Variants in TRERF1 observed in about 807,000 individuals in gnomAD.
TRERF1 encodes the protein transcriptional-regulating factor 1.
A neutral mutation model predicts 122.9 loss-of-function variants in TRERF1; 27 were observed. The ratio of observed to expected loss-of-function variants is 0.22; its 90% CI spans 0.16 to 0.30. The LOEUF (loss-of-function observed/expected upper bound fraction) is 0.30. Ranked by LOEUF, TRERF1 falls within the 10% of genes least tolerant of loss-of-function variation. TRERF1 has a pLI of 1.00. For missense variants in TRERF1, 1,248 were observed against 1,560.3 expected, an observed-to-expected ratio of 0.80 and a Z score of 3.37; for synonymous variants, 636 against 641.7, an observed-to-expected ratio of 0.99 and a Z score of 0.13.
At chr6:42,262,063 C>T (rs1777983418) in intron 8 of TRERF1, among the ~76,000 whole-genome samples, 1 of 151,990 alleles carries the variant, frequency 6.6e-6, no homozygotes, top group Non-Finnish European at 1.5e-5. Flanking sequence ...AACTATTTCC[C>T]CAAGGAAACA....
At chr6:42,403,638 C>A (rs746022090) in intron 2 of TRERF1, among the ~76,000 whole-genome samples, 1 of 152,186 alleles carries the variant, frequency 6.6e-6, no homozygotes, top group Non-Finnish European at 1.5e-5. Context: ...GTATGTAGTA[C>A]TTTGTTTCAG....
intron 2 of TRERF1, among the ~76,000 whole-genome samples, chr6:42,419,278 C>T (rs1200001923): frequency 1.7e-5 from 2 of 119,522 alleles, no homozygotes; most frequent in Non-Finnish European, 3.4e-5. Flanking sequence ...CCGGCTTCTG[C>T]TGAGTCCCCT....
chr6:42,407,896 T>C (rs1446847799), intron 2 of TRERF1, among the ~76,000 whole-genome samples: 1 of 151,654 alleles, frequency 6.6e-6, no homozygotes, highest in Non-Finnish European at 1.5e-5. Flanking sequence ...TTGTCGCACT[T>C]AACTTTGCTC....
chr6:42,244,426 C>T (rs746718717), intron 14 of TRERF1, among the ~76,000 whole-genome samples: 3 of 152,196 alleles, frequency 2.0e-5, no homozygotes, highest in African/African-American at 4.8e-5. Context: ...TCAGGTGATC[C>T]GCCTGCCTTG....
intron 2 of TRERF1, among the ~76,000 whole-genome samples, chr6:42,432,579 C>T (rs1446381509): frequency 1.3e-5 from 2 of 152,186 alleles, no homozygotes; most frequent in African/African-American, 4.8e-5. Flanking sequence ...CAGTGGCTCA[C>T]ACCTGTAATC....
chr6:42,311,765 CAA>C (rs10530333), intron 3 of TRERF1, among the ~76,000 whole-genome samples: 1,219 of 34,320 alleles, frequency 0.036, 2 homozygotes, highest in East Asian at 0.11. Flanking sequence ...GACTCCGTCT[CAA>C]AAAAAAAAAA....
intron 3 of TRERF1, among the ~76,000 whole-genome samples, chr6:42,325,326 C>A (rs1044172163): frequency 6.6e-5 from 10 of 152,112 alleles, no homozygotes; most frequent in African/African-American, 2.4e-4. Flanking sequence ...ATTAGTTCAG[C>A]CACCATGGAA....
intron 3 of TRERF1, among the ~76,000 whole-genome samples, chr6:42,361,427 T>G (rs1378572491): frequency 6.6e-6 from 1 of 152,090 alleles, no homozygotes; most frequent in East Asian, 1.9e-4. Context: ...GTTTTTTGGG[T>G]TTTTTTGTTT....
At chr6:42,365,195 G>A (rs752200647) in intron 2 of TRERF1, among the ~76,000 whole-genome samples, 2 of 152,116 alleles carry the variant, frequency 1.3e-5, no homozygotes, top group African/African-American at 2.4e-5. Context: ...ACCTCCTGAC[G>A]TTTCTGCCCT....
chr6:42,363,394 G>A (rs1248016805), intron 2 of TRERF1, among the ~76,000 whole-genome samples: 1 of 152,182 alleles, frequency 6.6e-6, no homozygotes, highest in Non-Finnish European at 1.5e-5. Context: ...TCAACGTAAA[G>A]TAATATCCAG....
intron 2 of TRERF1, among the ~76,000 whole-genome samples, chr6:42,397,402 T>C (rs1008108915): frequency 1.3e-5 from 2 of 152,222 alleles, no homozygotes; most frequent in Admixed American, 6.5e-5. Flanking sequence ...TATCACTGAT[T>C]AATATTGATT....
intron 4 of TRERF1, among the ~76,000 whole-genome samples, chr6:42,270,827 C>T (rs1296178767): frequency 7.0e-6 from 1 of 143,334 alleles, no homozygotes; most frequent in Non-Finnish European, 1.5e-5. Flanking sequence ...GGCTGGAGAG[C>T]AATGATGCGA....
intron 10 of TRERF1, 76 bp downstream of exon 10, chr6:42,258,059 C>G: frequency 7.7e-7 from 1 of 1,291,450 alleles, no homozygotes; most frequent in Non-Finnish European, 1.1e-6. Context: ...GTGTAATCCT[C>G]TGACTACAAA....
intron 3 of TRERF1, among the ~76,000 whole-genome samples, chr6:42,308,999 A>T (rs1197288417): frequency 3.3e-5 from 5 of 152,128 alleles, no homozygotes; most frequent in African/African-American, 4.8e-5. Context: ...ATGTTGGTGA[A>T]TTTTACCTAA....
At chr6:42,335,911 A>G (rs1562012520) in intron 3 of TRERF1, among the ~76,000 whole-genome samples, 1 of 152,196 alleles carries the variant, frequency 6.6e-6, no homozygotes, top group Admixed American at 6.5e-5. Flanking sequence ...CAAGACTCTA[A>G]GCCAGTGCTG....
In TRERF1 at chr6:42,307,696, A is replaced by G. The variant is rs868773862; in HGVS notation, c.-370-6947T>C. 7.2e-3 allele frequency among the ~76,000 whole-genome samples: 1,101 copies of G among 152,186 alleles called. 11 individuals carry two copies. Among genetic ancestry groups the G allele is most frequent in the African/African-American group, 0.025 (1,043 of 41,462 alleles). On this transcript the variant is annotated intron_variant, in intron 3 of 17. Transcript: ENST00000372922. Reference sequence around the variant, plus strand: ...GGGGAGAGGTAAATGTATGAAAAAAAAAAAAAAAAGATCCGATCGCTATTA... The same window carrying G: ...GGGGAGAGGTAAATGTATGAAAAAAGAAAAAAAAAGATCCGATCGCTATTA...
rs777710911 is a variant in TRERF1, at chr6:42,263,449, G to A, written c.1755C>T (p.Pro585=). Residue 585 remains proline (P), a synonymous_variant, in exon 8 of 18, where the codon CCC becomes CCT. Coordinates refer to ENST00000372922, the Ensembl canonical transcript of TRERF1. The surrounding 1 kb of genome is among the most constrained non-coding windows in gnomAD (Gnocchi z 5.6). ...GGAGAAGCTTGACAGGGACAGACAC[G>A]GGCATGACCATAGGCGTGAGGCTTT... The A allele has an allele frequency of 5.6e-6, 9 of 1,608,584 alleles. No individual in the cohort carries two copies. The highest frequency in any genetic ancestry group is 1.7e-4 in the Middle Eastern group (1 of 6,052).
At chr6:42,328,004 C>CTTTTTTTTTTTTT (rs36069546) in intron 3 of TRERF1, among the ~76,000 whole-genome samples, 3 of 108,002 alleles carry the variant, frequency 2.8e-5, no homozygotes, top group Non-Finnish European at 5.8e-5. Flanking sequence ...TTCTTTCTTT[C>CTTTTTTTTTTTTT]TTTTTTTTTT....
chr6:42,262,407 C>T (rs1410029198), intron 8 of TRERF1, among the ~76,000 whole-genome samples: 2 of 137,050 alleles, frequency 1.5e-5, no homozygotes, highest in African/African-American at 5.4e-5. Context: ...ATATTGCCAA[C>T]CACACAGGTC....
Sources: allele counts gnomAD v4.1 joint callset (sites outside exome capture counted in the v4.1 genomes callset), GRCh38; gene constraint gnomAD v4.1.1; non-coding constraint Gnocchi (gnomAD v3.1); transcripts MANE v1.5; gene names NCBI Gene and HGNC (gene_info 2026-07-23, HGNC 2026-07-21).